Variants in PRELID2 observed in about 807,000 individuals in gnomAD.
PRELID2 encodes the protein PRELI domain containing 2.
Under a neutral mutation model 28.4 loss-of-function variants are expected in PRELID2, and 25 were observed. The observed-to-expected ratio is 0.88, with a 90% confidence interval of 0.64 to 1.23. The LOEUF (loss-of-function observed/expected upper bound fraction) is 1.23. PRELID2 is among the 50% of genes most tolerant of loss of function. The probability of loss-of-function intolerance (pLI) is 0.00; values close to 1 mark genes in which losing one functional copy is unlikely to be tolerated. For missense variants in PRELID2, 201 were observed against 214.4 expected, an observed-to-expected ratio of 0.94 and a Z score of 0.39; for synonymous variants, 76 against 71.6, an observed-to-expected ratio of 1.06 and a Z score of -0.31.
At chr5:145,485,431 C>T (rs1316618813) in intron 1 of PRELID2, among the ~76,000 whole-genome samples, 2 of 152,186 alleles carry the variant, frequency 1.3e-5, no homozygotes, top group Non-Finnish European at 2.9e-5. Context: ...TCAAAGCTAG[C>T]CACAGAACTT....
chr5:145,260,605 T>C, the PRELID2 span, among the ~76,000 whole-genome samples: 1 of 152,252 alleles, frequency 6.6e-6, no homozygotes, highest in African/African-American at 2.4e-5. Flanking sequence ...AGTAGGTGTG[T>C]GTATTTATGA....
chr5:145,442,606 G>A, the PRELID2 span, among the ~76,000 whole-genome samples: 142 of 152,110 alleles, frequency 9.3e-4, 1 homozygote, highest in Non-Finnish European at 2.8e-4. Flanking sequence ...AGTGAGGGTG[G>A]GGGTAGGTTA....
chr5:145,456,268 T>G, the PRELID2 span, among the ~76,000 whole-genome samples: 1 of 152,222 alleles, frequency 6.6e-6, no homozygotes, highest in African/African-American at 2.4e-5. Flanking sequence ...ACATTTCTGT[T>G]CAGGCTTCTA....
chr5:145,532,881 G>A (rs889727603), intron 1 of PRELID2, among the ~76,000 whole-genome samples: 1 of 152,046 alleles, frequency 6.6e-6, no homozygotes, highest in African/African-American at 2.4e-5. Flanking sequence ...CACTTGGGTT[G>A]ATTACATATC....
chr5:145,573,555 T>A (rs1343731152), intron 1 of PRELID2, among the ~76,000 whole-genome samples: 2 of 152,158 alleles, frequency 1.3e-5, no homozygotes, highest in African/African-American at 2.4e-5. Flanking sequence ...TGTGTCCATG[T>A]GTTCTCATTG....
At chr5:145,230,378 C>T in the PRELID2 span, among the ~76,000 whole-genome samples, 2,757 of 152,164 alleles carry the variant, frequency 0.018, 42 homozygotes, top group Middle Eastern at 0.058. Context: ...TTGAGACCAG[C>T]CTGACCAACA....
intron 5 of PRELID2, among the ~76,000 whole-genome samples, chr5:145,787,680 T>C (rs1432113162): frequency 6.6e-6 from 1 of 151,952 alleles, no homozygotes; most frequent in Non-Finnish European, 1.5e-5. Context: ...GCTGGGATTA[T>C]AGGCATGCAA....
the PRELID2 span, among the ~76,000 whole-genome samples, chr5:145,334,839 G>A: frequency 6.7e-6 from 1 of 148,314 alleles, no homozygotes; most frequent in Non-Finnish European, 1.5e-5. Flanking sequence ...AGTTTCTACT[G>A]AGAAATATTC....
chr5:145,700,844 G>A (rs1199231165), intron 1 of PRELID2, among the ~76,000 whole-genome samples: 2 of 152,168 alleles, frequency 1.3e-5, no homozygotes, highest in African/African-American at 4.8e-5. Context: ...GAATACCTTT[G>A]GCAGTGCATC....
the PRELID2 span, among the ~76,000 whole-genome samples, chr5:145,414,772 AC>A: frequency 6.6e-6 from 1 of 152,226 alleles, no homozygotes; most frequent in Non-Finnish European, 1.5e-5. Flanking sequence ...ATAAGTATTT[AC>A]TTGGGCATCT....
intron 5 of PRELID2, among the ~76,000 whole-genome samples, chr5:145,792,973 G>A (rs886803984): frequency 4.6e-5 from 7 of 152,178 alleles, no homozygotes; most frequent in South Asian, 2.1e-4. Context: ...GGTGAGGAGA[G>A]CAAGTCCAGA....
chr5:145,229,328 A>C, the PRELID2 span: 3 of 743,184 alleles, frequency 4.0e-6, no homozygotes, highest in Non-Finnish European at 7.5e-6. Context: ...CGGGATTCCC[A>C]TCCTGGTCAC....
intron 1 of PRELID2, among the ~76,000 whole-genome samples, chr5:145,622,389 A>C (rs1581008821): frequency 6.6e-6 from 1 of 152,192 alleles, no homozygotes; most frequent in African/African-American, 2.4e-5. Flanking sequence ...AGTCATTTTA[A>C]GATGAAAACT....
intron 1 of PRELID2, among the ~76,000 whole-genome samples, chr5:145,730,505 T>G (rs1288997249): frequency 6.6e-6 from 1 of 152,206 alleles, no homozygotes; most frequent in Non-Finnish European, 1.5e-5. Flanking sequence ...GGCATAAATT[T>G]GAATCACCCA....
chr5:145,456,562 TTTA>T, the PRELID2 span, among the ~76,000 whole-genome samples: 1 of 152,164 alleles, frequency 6.6e-6, no homozygotes, highest in South Asian at 2.1e-4. Context: ...AAAATGCTTG[TTTA>T]TTGTTTTCAC....
rs565654335 is a variant in PRELID2 at position 145,590,828 on chromosome 5, C to A, written n.71-117513G>T. Among the ~76,000 whole-genome samples, 26 of 152,144 alleles carry A rather than the reference C, an allele frequency of 1.7e-4. 1 individual carries two copies. Among genetic ancestry groups the A allele is most frequent in the Middle Eastern group, 3.4e-3 (1 of 292 alleles). ...GGCCCCCAGAGTTTGCCTATGCCCC[C>A]CACTGACATTAATTAAAACCCATGA... On this transcript the variant is annotated intron_variant and non_coding_transcript_variant, in intron 1 of 2. Transcript: ENST00000510259.
chr5:145,319,213 T>G, the PRELID2 span, among the ~76,000 whole-genome samples: 1 of 152,100 alleles, frequency 6.6e-6, no homozygotes, highest in Non-Finnish European at 1.5e-5. Flanking sequence ...GTGGGGCCTT[T>G]GCTGGGGAAC....
the PRELID2 span, among the ~76,000 whole-genome samples, chr5:145,289,769 C>T: frequency 6.6e-6 from 1 of 152,100 alleles, no homozygotes; most frequent in Admixed American, 6.6e-5. Context: ...ATGGTACTGT[C>T]TGTTTTATCT....
At chr5:145,284,201 A>G in the PRELID2 span, among the ~76,000 whole-genome samples, 1 of 152,202 alleles carries the variant, frequency 6.6e-6, no homozygotes, top group Non-Finnish European at 1.5e-5. Context: ...TATGTATTCA[A>G]TGAATGCTAA....
Sources: gnomAD v4.1 joint callset for allele counts (sites outside exome capture counted in the v4.1 genomes callset) on GRCh38, gnomAD v4.1.1 for gene constraint, MANE v1.5 for transcripts, NCBI Gene and HGNC (gene_info 2026-07-23, HGNC 2026-07-21) for gene names.